EYS: variants seen among roughly 807,000 people sequenced by gnomAD.
EYS encodes the protein EGF-like photoreceptor maintenance factor, also known as protein eyes shut homolog.
EYS carries 250 observed loss-of-function variants against 282.1 expected under a neutral mutation model. The ratio of observed to expected loss-of-function variants is 0.89; its 90% CI spans 0.80 to 0.98. The LOEUF (loss-of-function observed/expected upper bound fraction) is 0.98. Ranked by LOEUF, EYS falls within the 50% of genes least tolerant of loss-of-function variation. EYS has a pLI of 0.00. For synonymous variants in EYS, 1,355 were observed against 1,282.9 expected, an observed-to-expected ratio of 1.06 and a Z score of -1.20; for missense variants, 4,016 against 3,709.0, an observed-to-expected ratio of 1.08 and a Z score of -2.15.
chr6:64,118,484 T>C lies in EYS; in HGVS notation c.6425-36482A>G, dbSNP rs371109954. On this transcript the variant is annotated intron_variant, in intron 31 of 42. Transcript: ENST00000503581. ...TGGTGCTGGGAAAACTAGGTATCCATATCCAGAAAAATGAAACTAGATCCC... is the reference window on the plus strand; with the variant it reads ...TGGTGCTGGGAAAACTAGGTATCCACATCCAGAAAAATGAAACTAGATCCC... 9.5e-4 allele frequency among the ~76,000 whole-genome samples: 145 copies of C among 152,180 alleles called. 2 individuals carry two copies. The South Asian group carries it at 0.027, about 29-fold the overall frequency.
At chr6:64,410,004 C>G (rs1370650690) in intron 28 of EYS, among the ~76,000 whole-genome samples, 1 of 151,870 alleles carries the variant, frequency 6.6e-6, no homozygotes, top group Non-Finnish European at 1.5e-5. Context: ...ACTAGTGATT[C>G]TTATCAGTAG....
chr6:65,233,748 T>C (rs183124938), intron 12 of EYS, among the ~76,000 whole-genome samples: 18 of 152,336 alleles, frequency 1.2e-4, no homozygotes, highest in Admixed American at 1.2e-3. Flanking sequence ...TTAGCTTCTC[T>C]AGTAGCTACC....
intron 12 of EYS, among the ~76,000 whole-genome samples, chr6:65,098,578 C>T (rs1189473408): frequency 6.6e-6 from 1 of 150,644 alleles, no homozygotes; most frequent in Non-Finnish European, 1.5e-5. Context: ...AGAAGAGATA[C>T]TATAAATGGA....
chr6:64,864,406 T>TTTTTTTTTTTTTTTTC (rs1766353593), intron 19 of EYS, among the ~76,000 whole-genome samples: 1 of 129,286 alleles, frequency 7.7e-6, no homozygotes, highest in African/African-American at 3.1e-5. Flanking sequence ...TTTTTTTTTT[T>TTTTTTTTTTTTTTTTC]GACAGAATCT....
intron 35 of EYS, among the ~76,000 whole-genome samples, chr6:63,920,562 T>C (rs1037039463): frequency 6.6e-6 from 1 of 152,220 alleles, no homozygotes; most frequent in Non-Finnish European, 1.5e-5. Context: ...TCCAAGTGTC[T>C]AGTTTACTTC....
chr6:63,908,942 G>A (rs1773851013), intron 35 of EYS, among the ~76,000 whole-genome samples: 1 of 151,842 alleles, frequency 6.6e-6, no homozygotes, highest in African/African-American at 2.4e-5. Context: ...GACTGTTTCA[G>A]GGGAATGGTG....
intron 26 of EYS, among the ~76,000 whole-genome samples, chr6:64,553,873 T>C (rs1284926771): frequency 6.6e-6 from 1 of 152,188 alleles, no homozygotes; most frequent in Non-Finnish European, 1.5e-5. Flanking sequence ...ATTTTTCCTA[T>C]ACATATACTG....
intron 32 of EYS, among the ~76,000 whole-genome samples, chr6:64,066,883 GTAT>G (rs1241001344): frequency 4.6e-5 from 7 of 151,842 alleles, no homozygotes; most frequent in East Asian, 1.9e-4. Context: ...TTAATAACTT[GTAT>G]TATTATTGAA....
intron 29 of EYS, among the ~76,000 whole-genome samples, chr6:64,384,430 T>C (rs1044717175): frequency 1.3e-5 from 2 of 152,210 alleles, no homozygotes; most frequent in African/African-American, 4.8e-5. Flanking sequence ...TCAATCCTAG[T>C]GACTTACTTA....
chr6:63,966,878 C>T (rs1468559821), intron 35 of EYS, among the ~76,000 whole-genome samples: 1 of 152,060 alleles, frequency 6.6e-6, no homozygotes, highest in Non-Finnish European at 1.5e-5. Context: ...CAGTGGTTTC[C>T]CCTTATCTGT....
intron 29 of EYS, among the ~76,000 whole-genome samples, chr6:64,308,270 A>T (rs1769535296): frequency 6.6e-6 from 1 of 152,236 alleles, no homozygotes; most frequent in South Asian, 2.1e-4. Context: ...GATAACAAAA[A>T]GATACTAAGG....
At chr6:65,606,092 T>C (rs1765778926) in intron 2 of EYS, among the ~76,000 whole-genome samples, 1 of 151,620 alleles carries the variant, frequency 6.6e-6, no homozygotes, top group African/African-American at 2.4e-5. Context: ...GTCGCAAATT[T>C]TTAAAAACAA....
chr6:65,173,070 A>G (rs1413177968), intron 12 of EYS, among the ~76,000 whole-genome samples: 1 of 151,340 alleles, frequency 6.6e-6, no homozygotes, highest in Non-Finnish European at 1.5e-5. Context: ...TATCAAGAAG[A>G]TAATAAAGAA....
At chr6:64,065,718 C>G (rs1279487540) in intron 33 of EYS, among the ~76,000 whole-genome samples, 3 of 152,118 alleles carry the variant, frequency 2.0e-5, no homozygotes, top group African/African-American at 7.2e-5. Context: ...TTTAACTGAA[C>G]AACTTGATGC....
At chr6:64,172,566 C>A (rs1395970942) in intron 31 of EYS, among the ~76,000 whole-genome samples, 3 of 152,162 alleles carry the variant, frequency 2.0e-5, no homozygotes, top group Non-Finnish European at 4.4e-5. Context: ...ATCAGTCTCA[C>A]TTCTGGGTAT....
chr6:64,950,798 C>CATATATATATATATATAT (rs1171736217), intron 14 of EYS, among the ~76,000 whole-genome samples: 6 of 54,222 alleles, frequency 1.1e-4, no homozygotes, highest in Non-Finnish European at 1.7e-4. Flanking sequence ...TATACATATA[C>CATATATATATATATATAT]ATATATATAT....
chr6:63,894,843 T>C (rs979995019), intron 35 of EYS, among the ~76,000 whole-genome samples: 16 of 152,116 alleles, frequency 1.1e-4, no homozygotes, highest in Admixed American at 7.2e-4. Context: ...TGCCTCGGCC[T>C]CCCAAAGTGC....
At chr6:64,863,836 C>A (rs1583235444) in intron 19 of EYS, among the ~76,000 whole-genome samples, 1 of 152,094 alleles carries the variant, frequency 6.6e-6, no homozygotes, top group East Asian at 1.9e-4. Flanking sequence ...AGGGCTCGTG[C>A]ATATTTTAAA....
intron 1 of EYS, among the ~76,000 whole-genome samples, chr6:65,674,118 T>C (rs1193920316): frequency 6.6e-6 from 1 of 151,562 alleles, no homozygotes; most frequent in African/African-American, 2.4e-5. Context: ...AGAAAAAGAA[T>C]GAAGAGTGAA....
Sources: gnomAD v4.1 joint callset for allele counts (sites outside exome capture counted in the v4.1 genomes callset) on GRCh38, gnomAD v4.1.1 for gene constraint, MANE v1.5 for transcripts, NCBI Gene and HGNC (gene_info 2026-07-23, HGNC 2026-07-21) for gene names.